Variants in ATF3 observed in about 807,000 individuals in gnomAD.
The protein encoded by ATF3 is cyclic AMP-dependent transcription factor ATF-3.
Under a neutral mutation model 18.4 loss-of-function variants are expected in ATF3, and 10 were observed. The observed-to-expected ratio is 0.54, with a 90% CI of 0.34 to 0.92. The LOEUF is 0.92. Among genes scored for constraint, ATF3 ranks in the 40% least tolerant of loss-of-function variants. The pLI is 0.02. For missense variants in ATF3, 183 were observed against 222.3 expected (o/e 0.82, Z 1.12); for synonymous variants, 78 against 87.9 (o/e 0.89, Z 0.63).
intron 1 of ATF3, among the ~76,000 whole-genome samples, chr1:212,589,288 T>C (rs1664838432): frequency 6.6e-6 from 1 of 152,226 alleles, no homozygotes; most frequent in South Asian, 2.1e-4. Context: ...GAGCTCATTG[T>C]AAATGTTTTC....
intron 1 of ATF3, among the ~76,000 whole-genome samples, chr1:212,589,191 G>A (rs911045385): frequency 1.3e-5 from 2 of 152,144 alleles, no homozygotes; most frequent in Non-Finnish European, 2.9e-5. Flanking sequence ...GGTTGACACA[G>A]TCATAATAAT....
intron 1 of ATF3, among the ~76,000 whole-genome samples, chr1:212,590,588 C>A (rs1664865071): frequency 6.6e-6 from 1 of 152,096 alleles, no homozygotes; most frequent in Admixed American, 6.5e-5. Context: ...AATCTGATTT[C>A]TTTTATCTCG....
At chr1:212,565,977 G>C (rs1191620628) in intron 1 of ATF3, among the ~76,000 whole-genome samples, 1 of 152,144 alleles carries the variant, frequency 6.6e-6, no homozygotes, top group Admixed American at 6.5e-5. Context: ...CTTGTGTTTT[G>C]GGAATAGAAT....
intron 1 of ATF3, among the ~76,000 whole-genome samples, chr1:212,589,829 AC>A (rs1484740522): frequency 2.6e-5 from 4 of 151,122 alleles, no homozygotes; most frequent in African/African-American, 9.7e-5. Flanking sequence ...TAAGGAAAAA[AC>A]AAAACTTCAG....
intron 1 of ATF3, among the ~76,000 whole-genome samples, chr1:212,602,701 G>A (rs1571777279): frequency 6.6e-6 from 1 of 152,128 alleles, no homozygotes; most frequent in African/African-American, 2.4e-5. Context: ...ATAATTAAAA[G>A]CATTAACTGT....
chr1:212,616,201 A>T (rs1655115919), intron 2 of ATF3, among the ~76,000 whole-genome samples: 1 of 152,030 alleles, frequency 6.6e-6, no homozygotes, highest in Non-Finnish European at 1.5e-5. Flanking sequence ...TATTGTATAG[A>T]TGCAGCCCTG....
intron 1 of ATF3, among the ~76,000 whole-genome samples, chr1:212,612,467 T>A (rs1355082826): frequency 6.6e-6 from 1 of 152,206 alleles, no homozygotes; most frequent in Non-Finnish European, 1.5e-5. Context: ...GCTCTGAATG[T>A]CATCCCCGAA....
intron 1 of ATF3, among the ~76,000 whole-genome samples, chr1:212,581,291 G>A (rs991383735): frequency 6.6e-6 from 1 of 152,188 alleles, no homozygotes; most frequent in Non-Finnish European, 1.5e-5. Context: ...GTTTCTGCTC[G>A]TATGCTCTCA....
intron 2 of ATF3, among the ~76,000 whole-genome samples, chr1:212,617,400 T>C (rs1655175796): frequency 6.6e-6 from 1 of 152,214 alleles, no homozygotes; most frequent in Non-Finnish European, 1.5e-5. Context: ...TTCCACCATT[T>C]TATTGGCCTT....
At chr1:212,578,538 A>G (rs1558225981) in intron 1 of ATF3, among the ~76,000 whole-genome samples, 2 of 152,138 alleles carry the variant, frequency 1.3e-5, no homozygotes, top group Non-Finnish European at 2.9e-5. Flanking sequence ...GAAATTTTCT[A>G]TCTGGTGCAT....
chr1:212,567,163 C>CT (rs34161020), intron 1 of ATF3, among the ~76,000 whole-genome samples: 167 of 148,228 alleles, frequency 1.1e-3, no homozygotes, highest in African/African-American at 1.6e-3. Context: ...TCTCTTTTTT[C>CT]TTTTTTTTTT....
At chr1:212,607,927 C>T (rs2102646523), upstream of ATF3, among the ~76,000 whole-genome samples, 1 of 152,048 alleles carries the variant, frequency 6.6e-6, no homozygotes, top group East Asian at 1.9e-4. Context: ...AAAAATCGAA[C>T]CGATACGGTC....
At chr1:212,601,751 T>G (rs1262761963) in intron 1 of ATF3, among the ~76,000 whole-genome samples, 1 of 152,184 alleles carries the variant, frequency 6.6e-6, no homozygotes, top group Non-Finnish European at 1.5e-5. Flanking sequence ...TTTTTTAAAT[T>G]TGTTTTAAAA....
chr1:212,595,609 G>T (rs895741582), intron 1 of ATF3, among the ~76,000 whole-genome samples: 24 of 152,096 alleles, frequency 1.6e-4, no homozygotes, highest in African/African-American at 5.8e-4. Context: ...AATTGGGATG[G>T]ATAGATGCTG....
intron 1 of ATF3, among the ~76,000 whole-genome samples, chr1:212,603,598 T>G (rs1654542487): frequency 1.3e-5 from 2 of 152,186 alleles, no homozygotes; most frequent in Non-Finnish European, 2.9e-5. Flanking sequence ...TCAAGCAAAA[T>G]ATTAGCAACA....
At chr1:212,595,210 T>C (rs1241916021) in intron 1 of ATF3, among the ~76,000 whole-genome samples, 4 of 152,068 alleles carry the variant, frequency 2.6e-5, no homozygotes, top group African/African-American at 7.2e-5. Flanking sequence ...CCTAGGACTC[T>C]TTGGCTCGTT....
chr1:212,589,895 T>G (rs1401524237), intron 1 of ATF3, among the ~76,000 whole-genome samples: 2 of 151,558 alleles, frequency 1.3e-5, no homozygotes, highest in African/African-American at 4.9e-5. Flanking sequence ...TAAGTGGATA[T>G]CAGGATTGTT....
intron 1 of ATF3, among the ~76,000 whole-genome samples, chr1:212,571,456 G>T (rs1664479164): frequency 6.6e-6 from 1 of 152,054 alleles, no homozygotes; most frequent in Non-Finnish European, 1.5e-5. Flanking sequence ...TGCCCAGGCT[G>T]GAGTGCAGTG....
At chr1:212,610,269 A>G (rs1654841994) in intron 1 of ATF3, among the ~76,000 whole-genome samples, 2 of 152,204 alleles carry the variant, frequency 1.3e-5, no homozygotes, top group African/African-American at 4.8e-5. Flanking sequence ...TGATGAACCC[A>G]GAAAGAAAAG....
Sources: gnomAD v4.1 joint callset for allele counts (sites outside exome capture counted in the v4.1 genomes callset) on GRCh38, gnomAD v4.1.1 for gene constraint, MANE v1.5 for transcripts, NCBI Gene and HGNC (gene_info 2026-07-23, HGNC 2026-07-21) for gene names.